The following SCHIP1 variants were observed in gnomAD, a reference collection of about 807,000 sequenced individuals.
SCHIP1 encodes schwannomin interacting protein 1.
Under a neutral mutation model 29.7 loss-of-function variants are expected in SCHIP1, and 8 were observed. That is an observed-to-expected ratio of 0.27 (90% CI 0.16 to 0.49). The LOEUF (loss-of-function observed/expected upper bound fraction) is 0.49, where lower values mean the gene tolerates loss of function less well. Ranked by LOEUF, SCHIP1 falls within the 20% of genes least tolerant of loss-of-function variation. The pLI is 0.99. For missense variants in SCHIP1, 193 were observed against 294.6 expected (o/e 0.66, Z 2.52); for synonymous variants, 76 against 94.9 (o/e 0.80, Z 1.16).
chr3:159,809,608 C>T, the SCHIP1 span, among the ~76,000 whole-genome samples: 5 of 148,612 alleles, frequency 3.4e-5, no homozygotes, highest in East Asian at 2.0e-4. Context: ...TCAGGTAAGC[C>T]GAGATGGCGC....
At chr3:159,638,693 C>T in the SCHIP1 span, among the ~76,000 whole-genome samples, 1 of 151,626 alleles carries the variant, frequency 6.6e-6, no homozygotes, top group Non-Finnish European at 1.5e-5. Context: ...TTGAGCCTGT[C>T]CCACTTAGTC....
the SCHIP1 span, among the ~76,000 whole-genome samples, chr3:159,541,691 G>C: frequency 6.6e-6 from 1 of 152,162 alleles, no homozygotes; most frequent in East Asian, 1.9e-4. Context: ...ATTGAGACAA[G>C]TCTGCATTCC....
the SCHIP1 span, among the ~76,000 whole-genome samples, chr3:159,328,451 G>A: frequency 3.9e-5 from 6 of 152,292 alleles, no homozygotes; most frequent in Non-Finnish European, 8.8e-5. Flanking sequence ...AAAAGAGACA[G>A]TGGTCAAATA....
chr3:159,619,804 A>G, the SCHIP1 span, among the ~76,000 whole-genome samples: 1 of 152,220 alleles, frequency 6.6e-6, no homozygotes, highest in African/African-American at 2.4e-5. Context: ...AAAGAAAACA[A>G]ATGGCAGTGC....
At chr3:159,457,827 A>G in the SCHIP1 span, among the ~76,000 whole-genome samples, 1 of 152,272 alleles carries the variant, frequency 6.6e-6, no homozygotes, top group East Asian at 1.9e-4. Flanking sequence ...AAAATAGAAT[A>G]ATTATAACAA....
chr3:159,691,211 G>A, the SCHIP1 span, among the ~76,000 whole-genome samples: 1 of 152,146 alleles, frequency 6.6e-6, no homozygotes, highest in Non-Finnish European at 1.5e-5. Flanking sequence ...CACGATTATT[G>A]TGTGGGAGTC....
the SCHIP1 span, among the ~76,000 whole-genome samples, chr3:159,756,268 G>A: frequency 6.6e-6 from 1 of 152,200 alleles, no homozygotes; most frequent in Admixed American, 6.5e-5. Flanking sequence ...AATCTAGGTG[G>A]AGGTTCCCAA....
the SCHIP1 span, among the ~76,000 whole-genome samples, chr3:159,777,275 A>G: frequency 6.6e-6 from 1 of 152,204 alleles, no homozygotes; most frequent in Non-Finnish European, 1.5e-5. Context: ...CTTACCTGAA[A>G]TGAGGATAAG....
chr3:159,383,712 T>G, the SCHIP1 span, among the ~76,000 whole-genome samples: 1 of 128,810 alleles, frequency 7.8e-6, no homozygotes, highest in South Asian at 2.6e-4. Flanking sequence ...ATGGCCATTT[T>G]CATGATATTG....
At chr3:159,882,025 A>G (rs545550889) in intron 2 of SCHIP1, among the ~76,000 whole-genome samples, 1 of 152,350 alleles carries the variant, frequency 6.6e-6, no homozygotes, top group Admixed American at 6.5e-5. Context: ...CTGGAATACC[A>G]TCACTTCCTC....
chr3:159,504,679 C>T, the SCHIP1 span, among the ~76,000 whole-genome samples: 1 of 152,064 alleles, frequency 6.6e-6, no homozygotes, highest in Non-Finnish European at 1.5e-5. Context: ...CGCAAACTGC[C>T]TGTCACAAGG....
At chr3:159,491,606 G>A in the SCHIP1 span, among the ~76,000 whole-genome samples, 1 of 152,226 alleles carries the variant, frequency 6.6e-6, no homozygotes, top group Non-Finnish European at 1.5e-5. Context: ...AAAGTGGCCT[G>A]GAAATTCGAA....
At chr3:159,455,211 G>C in the SCHIP1 span, among the ~76,000 whole-genome samples, 45 of 152,224 alleles carry the variant, frequency 3.0e-4, no homozygotes, top group Non-Finnish European at 5.4e-4. Flanking sequence ...TTTTTACCTA[G>C]AGCCAGGGTA....
chr3:159,701,397 T>C, the SCHIP1 span, among the ~76,000 whole-genome samples: 1 of 152,186 alleles, frequency 6.6e-6, no homozygotes, highest in African/African-American at 2.4e-5. Flanking sequence ...CAGTATATCC[T>C]TTTTAAACCA....
chr3:159,429,955 C>A, the SCHIP1 span, among the ~76,000 whole-genome samples: 1 of 152,038 alleles, frequency 6.6e-6, no homozygotes, highest in African/African-American at 2.4e-5. Context: ...TGTGGAAGAG[C>A]CTTAAGAGGG....
At chr3:159,424,660 G>A in the SCHIP1 span, among the ~76,000 whole-genome samples, 3 of 152,034 alleles carry the variant, frequency 2.0e-5, no homozygotes, top group Non-Finnish European at 2.9e-5. Context: ...AGCAAGGCAG[G>A]CCAACATTCA....
At chr3:159,699,761 T>C in the SCHIP1 span, among the ~76,000 whole-genome samples, 1 of 152,346 alleles carries the variant, frequency 6.6e-6, no homozygotes, top group Middle Eastern at 3.4e-3. Context: ...CTTCAAACAC[T>C]ACCTAGTGAT....
At chr3:159,546,396 C>T in the SCHIP1 span, among the ~76,000 whole-genome samples, 1 of 151,950 alleles carries the variant, frequency 6.6e-6, no homozygotes, top group Non-Finnish European at 1.5e-5. Flanking sequence ...TAAGAAAATA[C>T]CTTTTATTCC....
chr3:159,583,997 A>C, the SCHIP1 span, among the ~76,000 whole-genome samples: 5 of 152,148 alleles, frequency 3.3e-5, no homozygotes, highest in Non-Finnish European at 1.5e-5. Flanking sequence ...TGCAAAACCA[A>C]GTAAATACAA....
Sources: gnomAD v4.1 joint callset for allele counts (sites outside exome capture counted in the v4.1 genomes callset) on GRCh38, gnomAD v4.1.1 for gene constraint, MANE v1.5 for transcripts, NCBI Gene and HGNC (gene_info 2026-07-23, HGNC 2026-07-21) for gene names.